SCNN1B: variants seen among roughly 807,000 people sequenced by gnomAD.
SCNN1B encodes the protein epithelial sodium channel subunit beta.
Under a neutral mutation model 65.3 loss-of-function variants are expected in SCNN1B, and 46 were observed. The observed-to-expected ratio is 0.70, with a 90% CI of 0.56 to 0.90. SCNN1B has a LOEUF of 0.90. SCNN1B is among the 40% of genes least tolerant of loss of function. The pLI, the probability that SCNN1B is intolerant of heterozygous loss-of-function variation, is 0.00. For synonymous variants in SCNN1B, 349 were observed against 330.6 expected, an observed-to-expected ratio of 1.06 and a Z score of -0.60; for missense variants, 751 against 830.5, an observed-to-expected ratio of 0.90 and a Z score of 1.18.
At chr16:23,296,944 G>A (rs979507519) in intron 2 of SCNN1B, among the ~76,000 whole-genome samples, 1 of 145,772 alleles carries the variant, frequency 6.9e-6, no homozygotes, top group East Asian at 2.0e-4. Context: ...CCCAGATCTC[G>A]CCACTGCACT....
intron 4 of SCNN1B, among the ~76,000 whole-genome samples, chr16:23,362,686 A>C (rs72654331): frequency 0.052 from 7,915 of 152,272 alleles, 714 homozygotes; most frequent in African/African-American, 0.18. Flanking sequence ...GTTGGCACGC[A>C]CGTGGAGACC....
chr16:23,374,390 A>G (rs1412899259), intron 7 of SCNN1B, among the ~76,000 whole-genome samples: 4 of 151,140 alleles, frequency 2.6e-5, no homozygotes, highest in Non-Finnish European at 5.9e-5. Flanking sequence ...CCTGGCCAAC[A>G]TAGTGAAACC....
At chr16:23,347,240 C>T (rs545735629) in intron 1 of SCNN1B, among the ~76,000 whole-genome samples, 29 of 152,198 alleles carry the variant, frequency 1.9e-4, no homozygotes, top group African/African-American at 5.8e-4. Context: ...ATGGATTCTT[C>T]GCTTAACATC....
At chr16:23,332,703 A>T (rs936916002) in intron 1 of SCNN1B, among the ~76,000 whole-genome samples, 1 of 152,082 alleles carries the variant, frequency 6.6e-6, no homozygotes, top group Non-Finnish European at 1.5e-5. Flanking sequence ...GCACCTGCTG[A>T]CATGGTGAGG....
intron 1 of SCNN1B, among the ~76,000 whole-genome samples, chr16:23,314,698 A>G (rs1424830423): frequency 1.3e-5 from 2 of 152,192 alleles, no homozygotes; most frequent in African/African-American, 4.8e-5. Context: ...TCGGCTTTTC[A>G]CAATGCCAGG....
At chr16:23,316,998 A>G (rs920531350) in intron 1 of SCNN1B, among the ~76,000 whole-genome samples, 1 of 152,222 alleles carries the variant, frequency 6.6e-6, no homozygotes, top group Non-Finnish European at 1.5e-5. Context: ...CCCAGACCCA[A>G]GAAGCAGCCC....
intron 1 of SCNN1B, among the ~76,000 whole-genome samples, chr16:23,311,644 G>A (rs1422962308): frequency 6.6e-6 from 1 of 152,208 alleles, no homozygotes. Context: ...CCAGCAAGAA[G>A]GAGTTGGAGA....
At chr16:23,329,091 T>C (rs1961755695) in intron 1 of SCNN1B, among the ~76,000 whole-genome samples, 2 of 147,890 alleles carry the variant, frequency 1.4e-5, no homozygotes, top group African/African-American at 5.0e-5. Flanking sequence ...TGAGCCACCA[T>C]GCCTAGCTTG....
At chr16:23,379,034 C>T (rs144666345) in intron 11 of SCNN1B, among the ~76,000 whole-genome samples, 19 of 151,996 alleles carry the variant, frequency 1.3e-4, no homozygotes, top group East Asian at 1.9e-4. Context: ...CATCCACCCA[C>T]GCGCCCAGCC....
chr16:23,361,973 A>G (rs1962562594), intron 4 of SCNN1B, among the ~76,000 whole-genome samples: 1 of 152,076 alleles, frequency 6.6e-6, no homozygotes, highest in South Asian at 2.1e-4. Flanking sequence ...TCAGCCCCCT[A>G]AAGTGCTGGG....
intron 2 of SCNN1B, among the ~76,000 whole-genome samples, chr16:23,350,776 G>A (rs1252031795): frequency 6.6e-6 from 1 of 152,150 alleles, no homozygotes; most frequent in Non-Finnish European, 1.5e-5. Context: ...AGCCGGGTGT[G>A]CTGGCACATG....
rs534320917 is a variant in SCNN1B at position 23,356,087 on chromosome 16, C to T, written c.776+598C>T. On this transcript the variant is annotated intron_variant, in intron 4 of 12. Transcript: ENST00000343070. ...TTGAAGGAGGGGACCAGCCTTTCTGCGTGCCCCGTGAGCTGGTCACTGGCT... is the reference window on the plus strand; with the variant it reads ...TTGAAGGAGGGGACCAGCCTTTCTGTGTGCCCCGTGAGCTGGTCACTGGCT... Among the ~76,000 whole-genome samples, 202 of 152,210 alleles carry T rather than the reference C, an allele frequency of 1.3e-3. 2 individuals carry two copies. The highest frequency in any genetic ancestry group is 4.6e-3 in the African/African-American group (190 of 41,534).
At chr16:23,307,607 G>T (rs528622617) in intron 1 of SCNN1B, among the ~76,000 whole-genome samples, 14 of 151,970 alleles carry the variant, frequency 9.2e-5, no homozygotes, top group African/African-American at 2.7e-4. Flanking sequence ...GGCATGAGCC[G>T]CTGCGCTTGG....
intron 2 of SCNN1B, among the ~76,000 whole-genome samples, chr16:23,293,731 A>G (rs1041862815): frequency 1.4e-4 from 21 of 151,966 alleles, no homozygotes; most frequent in Non-Finnish European, 2.9e-5. Context: ...GTTTGAAATC[A>G]GCCGGGGCAA....
At position 23,337,903 on chromosome 16, in the gene SCNN1B, C is replaced by CA. The variant is rs796991852; in HGVS notation, c.-8-10680dup. Among the ~76,000 whole-genome samples the CA allele has an allele frequency of 1.1e-3, 170 of 150,134 alleles. 3 individuals carry two copies. The highest frequency in any genetic ancestry group is 3.5e-3 in the African/African-American group (143 of 40,964). On this transcript the variant is annotated intron_variant, in intron 1 of 12. Coordinates refer to ENST00000343070, the MANE Select transcript of SCNN1B (RefSeq NM_000336.3). ...CAACATGGCAAAACCCCATTTCTAC[C>CA]AAAAAAAAATAATAATAACAAAAAT... is the stretch of plus-strand genomic sequence containing the variant.
At chr16:23,354,689 G>A (rs1962380577) in intron 3 of SCNN1B, among the ~76,000 whole-genome samples, 1 of 152,318 alleles carries the variant, frequency 6.6e-6, no homozygotes, top group African/African-American at 2.4e-5. Flanking sequence ...GCAGAGGCTG[G>A]AAAAGGAATC....
chr16:23,343,609 A>AAGAAAGAAAGAAAGAAAGAAAG (rs1962115848), intron 1 of SCNN1B, among the ~76,000 whole-genome samples: 10 of 121,522 alleles, frequency 8.2e-5, no homozygotes, highest in Admixed American at 2.4e-4. Flanking sequence ...GAAAGAAAGA[A>AAGAAAGAAAGAAAGAAAGAAAG]AGAAAGAAAG....
intron 1 of SCNN1B, among the ~76,000 whole-genome samples, chr16:23,331,001 G>A (rs569929464): frequency 8.5e-5 from 13 of 152,318 alleles, no homozygotes; most frequent in African/African-American, 2.4e-4. Context: ...TGTGGCCAGC[G>A]TTCTTTATCA....
At chr16:23,333,924 G>T (rs1171669649) in intron 1 of SCNN1B, among the ~76,000 whole-genome samples, 1 of 152,152 alleles carries the variant, frequency 6.6e-6, no homozygotes, top group East Asian at 1.9e-4. Context: ...CCTAACTGGG[G>T]CCTAACTCCC....
Sources: allele counts gnomAD v4.1 joint callset (sites outside exome capture counted in the v4.1 genomes callset), GRCh38; gene constraint gnomAD v4.1.1; transcripts MANE v1.5; gene names NCBI Gene and HGNC (gene_info 2026-07-23, HGNC 2026-07-21).